The following CCDC9 variants were observed in gnomAD, a reference collection of about 807,000 sequenced individuals.
The protein encoded by CCDC9 is coiled-coil domain containing 9, also known as coiled-coil domain-containing protein 9.
In CCDC9, 52 loss-of-function variants were observed where a neutral mutation model predicts 65.6. The ratio of observed to expected loss-of-function variants is 0.79; its 90% CI spans 0.63 to 1.00. The LOEUF is 1.00. Among genes scored for constraint, CCDC9 ranks in the 50% least tolerant of loss-of-function variants. CCDC9 has a pLI of 0.00. For missense variants in CCDC9, 834 were observed against 757.2 expected (o/e 1.10, Z -1.19); for synonymous variants, 332 against 280.3 (o/e 1.18, Z -1.84).
In CCDC9 at chr19:47,257,200, T is replaced by C. The variant is rs1300199233; in HGVS notation, c.-72+591T>C. Among the ~76,000 whole-genome samples, 6 of 144,200 alleles carry C rather than the reference T, an allele frequency of 4.2e-5. 1 individual carries two copies. The highest frequency in any genetic ancestry group is 2.8e-4 in the Admixed American group (4 of 14,466). 94.6% of individuals were successfully genotyped at this position (144,200 alleles called of 152,430 possible). On this transcript the variant is annotated intron_variant, in intron 1 of 11. Coordinates refer to ENST00000221922, the MANE Select transcript of CCDC9 (RefSeq NM_015603.3). The stretch of plus-strand genomic sequence containing the variant: ...GGAAGCCATGGGCGGGGCCAGATGC[T>C]GACGCAACGAGGTGTGGGAGGGAGT...
rs1407941963 is a variant in CCDC9 at position 47,260,795 on chromosome 19, C to T, written c.418C>T (p.Leu140Phe). Residue 140 changes from leucine (L) to phenylalanine (F), a missense_variant, in exon 5 of 12, where the codon CTC becomes TTC. Coordinates refer to ENST00000221922, the MANE Select transcript of CCDC9 (RefSeq NM_015603.3). ...GGGCCGGGGCCGAGGTTCACCTCAC[C>T]TCTCTGGAGCTGGAGACACCTCAAT... ...RRGRGRGSPH[L>F]SGAGDTSISD... The T allele has an allele frequency of 6.8e-6, 11 of 1,613,436 alleles. No homozygotes were observed. Among genetic ancestry groups the T allele is most frequent in the Non-Finnish European group, 9.3e-6 (11 of 1,179,692 alleles).
At chr19:47,261,821 G>A (rs2059047907) in intron 5 of CCDC9, among the ~76,000 whole-genome samples, 1 of 151,258 alleles carries the variant, frequency 6.6e-6, no homozygotes. Context: ...AGGAGTTCGA[G>A]ACCAGCCTGG....
At chr19:47,262,510 C>T (rs192650238) in intron 5 of CCDC9, among the ~76,000 whole-genome samples, 4 of 152,220 alleles carry the variant, frequency 2.6e-5, no homozygotes, top group East Asian at 3.9e-4. Context: ...AGCTGCTGCG[C>T]CCGGCCTGGT....
At chr19:47,256,988 G>A (rs2123433058) in intron 1 of CCDC9, among the ~76,000 whole-genome samples, 1 of 151,608 alleles carries the variant, frequency 6.6e-6, no homozygotes, top group East Asian at 2.0e-4. Flanking sequence ...CGGGACGTTG[G>A]GGGCGGACCC....
rs768811346 is a variant in CCDC9, at chr19:47,260,586, A to T, written c.211-2A>T. 2 of 1,531,406 alleles carry T rather than the reference A, an allele frequency of 1.3e-6. No homozygotes were observed. Among genetic ancestry groups the T allele is most frequent in the East Asian group, 4.5e-5 (2 of 44,372 alleles). 94.9% of individuals were successfully genotyped at this position (1,531,406 alleles called of 1,614,324 possible). ...GTATTTTCCCCATCTCCCCTCTTCC[A>T]GGAGAAGAACCTGGGTCCTTCCCGG... On this transcript the variant is annotated splice_acceptor_variant, in intron 4 of 11. Coordinates refer to ENST00000221922, the MANE Select transcript of CCDC9 (RefSeq NM_015603.3). LOFTEE classifies it high-confidence loss of function.
chr19:47,264,727 T>G, intron 6 of CCDC9, 41 bp downstream of exon 6: 1 of 1,603,360 alleles, frequency 6.2e-7, no homozygotes, highest in South Asian at 1.1e-5. Context: ...CCGAGCTGCC[T>G]GGGCTGCGGG....
chr19:47,258,373 G>A lies in CCDC9; in HGVS notation c.-28G>A. 3 of 1,613,654 alleles carry A rather than the reference G, an allele frequency of 1.9e-6. No individual in the cohort carries two copies. Among genetic ancestry groups the A allele is most frequent in the Non-Finnish European group, 1.7e-6 (2 of 1,179,628 alleles). On this transcript the variant is annotated 5_prime_UTR_variant, in exon 2 of 12. Transcript: ENST00000221922. ...CTAGATTCTGCAGGGGAGGTTTGCT[G>A]GGACCTTGGCTCCACGCAGCCAGCG...
intron 8 of CCDC9, among the ~76,000 whole-genome samples, chr19:47,268,852 A>G (rs2059098480): frequency 6.6e-6 from 1 of 150,780 alleles, no homozygotes; most frequent in Non-Finnish European, 1.5e-5. Context: ...TGGGAGGTGG[A>G]GCTTGCAGTG....
rs113198762 is a variant in CCDC9 at position 47,264,746 on chromosome 19, G to A, written c.547-27G>A. On this transcript the variant is annotated intron_variant, in intron 6 of 11. Transcript: ENST00000221922. Reference sequence around the variant, plus strand: ...GCTGCCTGGGCTGCGGGGAGCCCGCGCCAACCCCCTGCTCTGCTGCCTGCA... The same window carrying A: ...GCTGCCTGGGCTGCGGGGAGCCCGCACCAACCCCCTGCTCTGCTGCCTGCA... The A allele has an allele frequency of 2.8e-5, 45 of 1,604,798 alleles. No individual in the cohort carries two copies. The African/African-American group carries it at 4.1e-4, about 15-fold the overall frequency.
chr19:47,270,868 C>T (rs2059112196), intron 10 of CCDC9, among the ~76,000 whole-genome samples, 180 bp downstream of exon 10: 1 of 152,136 alleles, frequency 6.6e-6, no homozygotes, highest in Admixed American at 6.6e-5. Flanking sequence ...TTACCCTCAT[C>T]TGTCCCCTTT....
chr19:47,271,256 T>A lies in CCDC9; in HGVS notation c.1192-18T>A. On this transcript the variant is annotated intron_variant, in intron 11 of 11. Coordinates refer to ENST00000221922, the MANE Select transcript of CCDC9 (RefSeq NM_015603.3). ...CTCAGGACCTGTGCCTTGCCCTGAC[T>A]TGCCTGTGTCCCCAAAGCCACCCGA... 1 of 1,611,304 alleles carries A rather than the reference T, an allele frequency of 6.2e-7. No homozygotes were observed. Among genetic ancestry groups the A allele is most frequent in the Non-Finnish European group, 8.5e-7 (1 of 1,178,456 alleles).
Position 47,271,642 on chromosome 19 carries a change from C to T in CCDC9, c.1560C>T (p.Leu520=). The T allele has an allele frequency of 1.2e-6, 2 of 1,605,788 alleles. No individual in the cohort carries two copies. The highest frequency in any genetic ancestry group is 1.7e-6 in the Non-Finnish European group (2 of 1,175,734). ...GGACCACTCACCTGGCTGGCGCCCT[C>T]TCCCCGGGTGAGGCCTGGCCTTTTG... ...SPRTTHLAGA[L]SPGEAWPFES... The change falls in exon 12 of 12, where the codon CTC becomes CTT. Residue 520 remains leucine (L), a synonymous_variant. Transcript: ENST00000221922.
In CCDC9 at chr19:47,264,647, G is replaced by C; in HGVS notation, c.507G>C (p.Glu169Asp). 1.2e-6 allele frequency: 2 copies of C among 1,605,084 alleles called. No individual in the cohort carries two copies. The highest frequency in any genetic ancestry group is 1.7e-6 in the Non-Finnish European group (2 of 1,175,980). ...RRRQNIEKMN[E>D]EMEKIAEYER... is the part of the protein sequence containing the mutation. Reference sequence around the variant, plus strand: ...GGCAGAACATTGAGAAGATGAATGAGGAGATGGAGAAGATCGCCGAGTATG... The same window carrying C: ...GGCAGAACATTGAGAAGATGAATGACGAGATGGAGAAGATCGCCGAGTATG... Residue 169 changes from glutamate to aspartate, a missense_variant, in exon 6 of 12, where the codon GAG becomes GAC. Coordinates refer to ENST00000221922, the MANE Select transcript of CCDC9 (RefSeq NM_015603.3).
chr19:47,270,342 A>G (rs1178317923), intron 8 of CCDC9, 65 bp from the exon 9 acceptor site: 16 of 1,521,244 alleles, frequency 1.1e-5, no homozygotes, highest in Admixed American at 3.4e-5. Flanking sequence ...GACCTCTCCC[A>G]TCTTCTTGAT....
rs200154609 is a variant in CCDC9 at position 47,260,657 on chromosome 19, C to T, written c.280C>T (p.Arg94Trp). 5.3e-5 allele frequency: 81 copies of T among 1,528,620 alleles called. No homozygotes were observed. Among genetic ancestry groups the T allele is most frequent in the Non-Finnish European group, 6.5e-5 (74 of 1,146,880 alleles). 94.7% of individuals were successfully genotyped at this position (1,528,620 alleles called of 1,614,324 possible). Residue 94 changes from arginine to tryptophan, a missense_variant, in exon 5 of 12, where the codon CGG becomes TGG. Coordinates refer to ENST00000221922, the MANE Select transcript of CCDC9 (RefSeq NM_015603.3). ...GCCCCCAGGGGCCAGCAAGGGGGGC[C>T]GGACTCCTCCACAGCAGGGAGGCCG... ...PRPPGASKGG[R>W]TPPQQGGRAG...
At chr19:47,274,957 G>T (rs1350201002), downstream of CCDC9, 34 of 1,388,450 alleles carry the variant, frequency 2.4e-5, no homozygotes, top group Non-Finnish European at 3.2e-5. Flanking sequence ...GGCGCCGAGA[G>T]CCCCGGAGGC....
chr19:47,264,529 G>A (rs771276990), intron 5 of CCDC9, 74 bp from the exon 6 acceptor site: 4 of 1,407,362 alleles, frequency 2.8e-6, no homozygotes, highest in East Asian at 2.5e-5. Flanking sequence ...CAGGCCTGCT[G>A]GGCAGCCCGT....
In CCDC9 at chr19:47,270,694, G is replaced by T. The variant is rs2059111079; in HGVS notation, c.1085+6G>T. On this transcript the variant is annotated splice_donor_region_variant and intron_variant, in intron 10 of 11. Coordinates refer to ENST00000221922, the MANE Select transcript of CCDC9 (RefSeq NM_015603.3). Reference sequence around the variant, plus strand: ...GCAGCGCCCAGGGCCTACAGGTGGGGCACCCCTTCTGCGGGCTTGCATACC... The same window carrying T: ...GCAGCGCCCAGGGCCTACAGGTGGGTCACCCCTTCTGCGGGCTTGCATACC... 1.9e-6 allele frequency: 3 copies of T among 1,608,408 alleles called. No individual in the cohort carries two copies. Among genetic ancestry groups the T allele is most frequent in the Admixed American group, 3.3e-5 (2 of 59,782 alleles).
rs147879264 is a variant in CCDC9, at chr19:47,265,520, A to C, written c.720+574A>C. Among the ~76,000 whole-genome samples the C allele has an allele frequency of 5.6e-3, 852 of 152,094 alleles. 4 individuals are homozygous for C. The highest frequency in any genetic ancestry group is 8.0e-3 in the Non-Finnish European group (541 of 67,996). ...GAGGAGGCAGGGGCAGTGTCCTTGC[A>C]CTTGGTGGTCCACCCCTAAATTGTC... On this transcript the variant is annotated intron_variant, in intron 7 of 11. Coordinates refer to ENST00000221922, the MANE Select transcript of CCDC9 (RefSeq NM_015603.3).
Sources: gnomAD v4.1 joint callset for allele counts (sites outside exome capture counted in the v4.1 genomes callset) on GRCh38, gnomAD v4.1.1 for gene constraint, MANE v1.5 for transcripts, NCBI Gene and HGNC (gene_info 2026-07-23, HGNC 2026-07-21) for gene names.